Variants in HMCES observed in about 807,000 individuals in gnomAD.
The protein encoded by HMCES is 5-hydroxymethylcytosine binding, ES cell specific.
HMCES carries 27 observed loss-of-function variants against 35.1 expected under a neutral mutation model. That is an observed-to-expected ratio of 0.77 (90% CI 0.57 to 1.06). The LOEUF (loss-of-function observed/expected upper bound fraction) is 1.06, where lower values mean the gene tolerates loss of function less well. Ranked by LOEUF, HMCES falls within the 50% of genes least tolerant of loss-of-function variation. The pLI is 0.00. For missense variants in HMCES, 391 were observed against 430.4 expected (o/e 0.91, Z 0.81); for synonymous variants, 130 against 154.7 (o/e 0.84, Z 1.18).
Position 129,302,102 on chromosome 3 carries a change from C to G in HMCES, c.788C>G (p.Thr263Ser), listed in dbSNP as rs2071176130. The change falls in exon 6 of 7, where the codon ACT becomes AGT. Residue 263 changes from threonine (T) to serine (S), a missense_variant. By Grantham distance (58) the Thr-to-Ser change is moderately conservative. Coordinates refer to ENST00000383463, the MANE Select transcript of HMCES (RefSeq NM_020187.3). ...SSVVNNSRNNTPECLAPVDLV... is the reference protein window; with the variant it reads ...SSVVNNSRNNSPECLAPVDLV... ...GTGGTGAACAACTCGCGAAACAACA[C>G]TCCTGAGTGTCTGGCTCCTGTCGAC... The G allele has an allele frequency of 6.2e-7, 1 of 1,614,016 alleles. No individual in the cohort carries two copies. Among genetic ancestry groups the G allele is most frequent in the African/African-American group, 1.3e-5 (1 of 74,952 alleles).
At chr3:129,287,083 A>G (rs1204695664) in intron 2 of HMCES, among the ~76,000 whole-genome samples, 33 of 152,264 alleles carry the variant, frequency 2.2e-4, no homozygotes, top group Admixed American at 2.2e-3. Context: ...AGAAATCTGG[A>G]AAAAGTCATG....
At chr3:129,300,114 C>A (rs916924591) in intron 5 of HMCES, among the ~76,000 whole-genome samples, 2 of 150,546 alleles carry the variant, frequency 1.3e-5, no homozygotes, top group African/African-American at 4.9e-5. Context: ...CATTGCCTAC[C>A]ATGTTTTGAG....
intron 6 of HMCES, 63 bp from the exon 7 acceptor site, chr3:129,304,526 T>C: frequency 1.4e-6 from 2 of 1,407,498 alleles, no homozygotes; most frequent in Non-Finnish European, 2.0e-6. Flanking sequence ...TTTCTTCCCT[T>C]GGACTTGGCC....
rs1167590203 is a variant in HMCES, at chr3:129,293,829, T to G, written c.453+3025T>G. Among the ~76,000 whole-genome samples, 11 of 152,168 alleles carry G rather than the reference T, an allele frequency of 7.2e-5. No homozygotes were observed. In the South Asian group the frequency reaches 1.2e-3, roughly 17 times the overall value. On this transcript the variant is annotated intron_variant, in intron 4 of 6. Transcript: ENST00000383463. ...GTGATCCGCCTGCCTCAGCACCCCC[T>G]AAGTGCTGGGATTACAGGCATGAGC...
intron 2 of HMCES, 45 bp from the exon 3 acceptor site, chr3:129,288,809 A>C: frequency 7.4e-7 from 1 of 1,347,022 alleles, no homozygotes; most frequent in Non-Finnish European, 9.9e-7. Context: ...AAATTAGGTT[A>C]GAATTTCATT....
intron 4 of HMCES, among the ~76,000 whole-genome samples, chr3:129,296,204 T>C (rs2071090121): frequency 1.3e-5 from 2 of 152,090 alleles, no homozygotes; most frequent in African/African-American, 4.8e-5. Context: ...ATTACAGGCA[T>C]GCACCACCAT....
At chr3:129,284,682 G>A (rs1234890831) in intron 2 of HMCES, among the ~76,000 whole-genome samples, 5 of 152,178 alleles carry the variant, frequency 3.3e-5, no homozygotes, top group Admixed American at 3.3e-4. Context: ...GGAGGCTGAG[G>A]CAGGCGGATC....
intron 2 of HMCES, among the ~76,000 whole-genome samples, chr3:129,280,295 C>G (rs1007819970): frequency 6.6e-6 from 1 of 152,050 alleles, no homozygotes; most frequent in African/African-American, 2.4e-5. Flanking sequence ...CCTGTAACCC[C>G]AGCACTTTGG....
chr3:129,298,275 G>A, intron 4 of HMCES, 79 bp from the exon 5 acceptor site: 1 of 1,253,966 alleles, frequency 8.0e-7, no homozygotes, highest in Non-Finnish European at 1.2e-6. Context: ...CCGTGCTCTC[G>A]AGTCTGAAGT....
intron 6 of HMCES, 78 bp downstream of exon 6, chr3:129,302,220 C>T: frequency 8.1e-7 from 1 of 1,241,248 alleles, no homozygotes; most frequent in Non-Finnish European, 1.1e-6. Context: ...AGGATGTGGC[C>T]TTTTATGATC....
intron 2 of HMCES, 96 bp downstream of exon 2, chr3:129,280,011 A>G: frequency 9.2e-7 from 1 of 1,084,858 alleles, no homozygotes; most frequent in Non-Finnish European, 1.3e-6. Context: ...GGATGACATT[A>G]AAAACCAGCC....
intron 4 of HMCES, among the ~76,000 whole-genome samples, chr3:129,295,234 G>A (rs1255265924): frequency 6.7e-6 from 1 of 149,226 alleles, no homozygotes; most frequent in African/African-American, 2.5e-5. Context: ...CTTTTAAAAT[G>A]TACAGTGGTT....
At chr3:129,287,712 T>A (rs1270954631) in intron 2 of HMCES, among the ~76,000 whole-genome samples, 1 of 152,136 alleles carries the variant, frequency 6.6e-6, no homozygotes, top group Non-Finnish European at 1.5e-5. Flanking sequence ...TTCCTAAAAA[T>A]AGCATCCTCC....
At chr3:129,293,632 G>C (rs1196032960) in intron 4 of HMCES, among the ~76,000 whole-genome samples, 1 of 136,282 alleles carries the variant, frequency 7.3e-6, no homozygotes, top group East Asian at 2.3e-4. Flanking sequence ...GTGCAATGGT[G>C]TGGTCTTAGC....
intron 3 of HMCES, among the ~76,000 whole-genome samples, chr3:129,289,351 T>G (rs1398123038): frequency 2.6e-5 from 4 of 152,184 alleles, no homozygotes. Flanking sequence ...CTAGAACAAC[T>G]AGAAGGCTTT....
At chr3:129,290,611 C>A (rs2071001396) in intron 3 of HMCES, 68 bp from the exon 4 acceptor site, 3 of 1,533,990 alleles carry the variant, frequency 2.0e-6, no homozygotes, top group South Asian at 2.3e-5. Flanking sequence ...TCAAGTTCTC[C>A]AAGTAATGGC....
At position 129,279,616 on chromosome 3, in the gene HMCES, C is replaced by A; in HGVS notation, c.-23-94C>A. On this transcript the variant is annotated intron_variant, in intron 1 of 6. Coordinates refer to ENST00000383463, the MANE Select transcript of HMCES (RefSeq NM_020187.3). The surrounding 1 kb of genome is among the most constrained non-coding windows in gnomAD (Gnocchi z 4.2). The stretch of plus-strand genomic sequence containing the variant: ...AGACGGTGGTCACGGAGGGGCACGG[C>A]CCTGTGGGAACGGAAAGAGAAGGCG... 8.0e-7 allele frequency: 1 copy of A among 1,251,822 alleles called. No homozygotes were observed. Among genetic ancestry groups the A allele is most frequent in the Non-Finnish European group, 1.1e-6 (1 of 892,706 alleles). The allele number at this position is 1,251,822 out of a possible 1,614,324, so 77.5% of individuals were successfully genotyped here. A position where few individuals can be genotyped will look rare whatever the true frequency, so the allele number is the denominator to read the frequency against.
intron 2 of HMCES, among the ~76,000 whole-genome samples, chr3:129,287,289 C>A (rs1330434940): frequency 2.0e-5 from 3 of 151,598 alleles, no homozygotes; most frequent in Non-Finnish European, 4.4e-5. Context: ...GTGGCTCAGT[C>A]ACAGCTCACT....
intron 2 of HMCES, among the ~76,000 whole-genome samples, chr3:129,282,330 G>C (rs184623754): frequency 1.3e-4 from 19 of 148,376 alleles, no homozygotes. Flanking sequence ...TCATTTATAT[G>C]ACCTCCTTAG....
Sources: allele counts gnomAD v4.1 joint callset (sites outside exome capture counted in the v4.1 genomes callset), GRCh38; gene constraint gnomAD v4.1.1; non-coding constraint Gnocchi (gnomAD v3.1); transcripts MANE v1.5; gene names NCBI Gene and HGNC (gene_info 2026-07-23, HGNC 2026-07-21).